ANO3: variants seen among roughly 807,000 people sequenced by gnomAD.
ANO3 encodes anoctamin 3, also known as anoctamin-3.
In ANO3, 99 loss-of-function variants were observed where a neutral mutation model predicts 144.8. The ratio of observed to expected loss-of-function variants is 0.68; its 90% CI spans 0.58 to 0.81. The LOEUF (loss-of-function observed/expected upper bound fraction) is 0.81, where lower values mean the gene tolerates loss of function less well. Ranked by LOEUF, ANO3 falls within the 30% of genes least tolerant of loss-of-function variation. The probability of loss-of-function intolerance (pLI) is 0.00; values close to 1 mark genes in which losing one functional copy is unlikely to be tolerated. For synonymous variants in ANO3, 414 were observed against 392.6 expected, an observed-to-expected ratio of 1.05 and a Z score of -0.64; for missense variants, 905 against 1,202.2, an observed-to-expected ratio of 0.75 and a Z score of 3.66.
At chr11:26,243,175 C>T (rs1045176618) in intron 1 of ANO3, among the ~76,000 whole-genome samples, 2 of 152,102 alleles carry the variant, frequency 1.3e-5, no homozygotes, top group Non-Finnish European at 2.9e-5. Flanking sequence ...AGCTAAAAAA[C>T]AATACACGTT....
At chr11:26,543,239 C>A (rs1313418524) in intron 11 of ANO3, among the ~76,000 whole-genome samples, 5 of 152,032 alleles carry the variant, frequency 3.3e-5, no homozygotes, top group Non-Finnish European at 5.9e-5. Context: ...AAAGAGGAAG[C>A]AAGGGTAATA....
intron 23 of ANO3, among the ~76,000 whole-genome samples, chr11:26,644,775 T>C (rs2133067676): frequency 6.6e-6 from 1 of 151,880 alleles, no homozygotes; most frequent in African/African-American, 2.4e-5. Context: ...CCATTGAATC[T>C]GATTTGGTAA....
At chr11:26,491,021 A>G (rs1860684847) in intron 4 of ANO3, among the ~76,000 whole-genome samples, 1 of 152,202 alleles carries the variant, frequency 6.6e-6, no homozygotes, top group Non-Finnish European at 1.5e-5. Flanking sequence ...CAATTCTTTT[A>G]TTCTATTTAA....
At chr11:26,205,843 G>C (rs933470817) in intron 1 of ANO3, among the ~76,000 whole-genome samples, 1 of 152,200 alleles carries the variant, frequency 6.6e-6, no homozygotes. Context: ...TCCTCTAATG[G>C]TCTTTTTATA....
rs752841701 is a variant in ANO3 at position 26,503,731 on chromosome 11, A to G, written c.433-4373A>G. On this transcript the variant is annotated intron_variant, in intron 4 of 26. Transcript: ENST00000256737. ...TGGGTATAATAGGTTACTTCTTTTT[A>G]TAAAGATGTGGATTTTTAAAACAGA... 1.1e-4 allele frequency among the ~76,000 whole-genome samples: 16 copies of G among 152,250 alleles called. No individual in the cohort carries two copies. The East Asian group carries it at 3.1e-3, about 29-fold the overall frequency.
intron 22 of ANO3, among the ~76,000 whole-genome samples, chr11:26,642,342 C>CTTTTTTTTTTTTTTTTTT (rs576729432): frequency 3.3e-4 from 31 of 93,048 alleles, no homozygotes; most frequent in Admixed American, 8.6e-4. Context: ...TTCTTTCTTT[C>CTTTTTTTTTTTTTTTTTT]TTTTTTTTTT....
chr11:26,267,709 C>A (rs996822661), intron 1 of ANO3, among the ~76,000 whole-genome samples: 1 of 152,100 alleles, frequency 6.6e-6, no homozygotes, highest in African/African-American at 2.4e-5. Flanking sequence ...ATTTATTGTG[C>A]AGTTAAATTT....
chr11:26,427,207 AAAC>A (rs1261100603), intron 1 of ANO3: 8 of 197,058 alleles, frequency 4.1e-5, no homozygotes, highest in Non-Finnish European at 7.7e-5. Context: ...GCACATCTCC[AAAC>A]AACAAGTTCA....
intron 14 of ANO3, among the ~76,000 whole-genome samples, chr11:26,582,774 A>G (rs1851170015): frequency 6.6e-6 from 1 of 152,210 alleles, no homozygotes; most frequent in South Asian, 2.1e-4. Flanking sequence ...ACTGTATGGC[A>G]TGCACTCCTC....
chr11:26,354,209 G>A (rs540663449), intron 1 of ANO3, among the ~76,000 whole-genome samples: 6 of 152,216 alleles, frequency 3.9e-5, no homozygotes, highest in Middle Eastern at 3.4e-3. Context: ...TTAATGTAAC[G>A]TACAGAATTG....
chr11:26,623,880 G>A (rs1053824640), intron 17 of ANO3, among the ~76,000 whole-genome samples: 4 of 151,992 alleles, frequency 2.6e-5, no homozygotes, highest in Admixed American at 2.0e-4. Context: ...TCTGCCTCCC[G>A]GTTTCACGTC....
At chr11:26,275,045 T>C (rs1378387030) in intron 1 of ANO3, among the ~76,000 whole-genome samples, 1 of 152,078 alleles carries the variant, frequency 6.6e-6, no homozygotes, top group Non-Finnish European at 1.5e-5. Context: ...TCTTTAACTC[T>C]ATCAATATGG....
At chr11:26,301,644 G>A (rs11822665) in intron 1 of ANO3, among the ~76,000 whole-genome samples, 18,421 of 151,976 alleles carry the variant, frequency 0.12, 2,711 homozygotes, top group African/African-American at 0.35. Context: ...TGAGAGATAG[G>A]GAAGGAAGAA....
intron 1 of ANO3, among the ~76,000 whole-genome samples, chr11:26,227,728 G>A (rs182382423): frequency 1.3e-4 from 20 of 152,192 alleles, no homozygotes; most frequent in Admixed American, 1.2e-3. Context: ...CAATCACGTC[G>A]AATGCTTTCT....
chr11:26,205,455 C>T (rs1291768310), intron 1 of ANO3, among the ~76,000 whole-genome samples: 1 of 152,090 alleles, frequency 6.6e-6, no homozygotes, highest in African/African-American at 2.4e-5. Flanking sequence ...ATTATAAAGT[C>T]CAACACAATT....
At chr11:26,299,677 C>A (rs1313049807) in intron 1 of ANO3, among the ~76,000 whole-genome samples, 2 of 151,954 alleles carry the variant, frequency 1.3e-5, no homozygotes, top group South Asian at 4.2e-4. Flanking sequence ...GCAGGGGGTG[C>A]AGGGACTGGA....
intron 1 of ANO3, among the ~76,000 whole-genome samples, chr11:26,289,077 G>A (rs1853874564): frequency 6.6e-6 from 1 of 152,012 alleles, no homozygotes; most frequent in South Asian, 2.1e-4. Context: ...GAATATGGAG[G>A]TAAACCATAC....
Position 26,641,992 on chromosome 11 carries a change from G to T in ANO3, c.2238G>T (p.Met746Ile), listed in dbSNP as rs1385341119. The T allele has an allele frequency of 6.2e-7, 1 of 1,613,884 alleles. No individual in the cohort carries two copies. Among genetic ancestry groups the T allele is most frequent in the Non-Finnish European group, 8.5e-7 (1 of 1,179,970 alleles). ...QWENDWNLQP[M>I]NLHGLMDEYL... The stretch of plus-strand genomic sequence containing the variant: ...AAAATGATTGGAATCTGCAGCCCAT[G>T]AACCTTCATGGACTGATGGATGAGT... The change falls in exon 22 of 27, where the codon ATG becomes ATT. Residue 746 changes from methionine to isoleucine, a missense_variant. By Grantham distance (10) the Met-to-Ile change is conservative. Around this residue, in one of 4 missense-constraint regions of ANO3, gnomAD observed 597 missense variants for 865.1 expected, o/e 0.69. Coordinates refer to ENST00000256737, the MANE Select transcript of ANO3 (RefSeq NM_031418.4).
intron 14 of ANO3, among the ~76,000 whole-genome samples, chr11:26,594,933 C>T (rs1033661407): frequency 1.3e-5 from 2 of 151,964 alleles, no homozygotes; most frequent in African/African-American, 4.8e-5. Flanking sequence ...TGTGGCCTGG[C>T]GGGACTGCAG....
Sources: allele counts gnomAD v4.1 joint callset (sites outside exome capture counted in the v4.1 genomes callset), GRCh38; gene constraint gnomAD v4.1.1; regional missense constraint gnomAD v4.1.1; transcripts MANE v1.5; gene names NCBI Gene and HGNC (gene_info 2026-07-23, HGNC 2026-07-21).